LRP1B: variants seen among roughly 807,000 people sequenced by gnomAD.
LRP1B encodes LDL receptor related protein 1B, also known as low-density lipoprotein receptor-related protein 1B.
A neutral mutation model predicts 556.6 loss-of-function variants in LRP1B; 217 were observed. The ratio of observed to expected loss-of-function variants is 0.39; its 90% CI spans 0.35 to 0.44. The LOEUF is 0.44. Among genes scored for constraint, LRP1B ranks in the 20% least tolerant of loss-of-function variants. LRP1B has a pLI of 1.00. For synonymous variants in LRP1B, 2,047 were observed against 1,865.8 expected, an observed-to-expected ratio of 1.10 and a Z score of -2.50; for missense variants, 5,053 against 5,620.8, an observed-to-expected ratio of 0.90 and a Z score of 3.23.
intron 35 of LRP1B, among the ~76,000 whole-genome samples, chr2:140,730,855 C>G (rs1559082320): frequency 6.6e-6 from 1 of 152,118 alleles, no homozygotes; most frequent in Non-Finnish European, 1.5e-5. Context: ...CCACGCCCAG[C>G]CTCGATTATG....
chr2:141,796,050 G>A (rs1439922249), intron 2 of LRP1B, among the ~76,000 whole-genome samples: 2 of 151,038 alleles, frequency 1.3e-5, no homozygotes, highest in African/African-American at 4.9e-5. Context: ...ATTATTGATA[G>A]CCAATCCAAT....
chr2:141,230,432 T>G (rs1276383453), intron 5 of LRP1B, among the ~76,000 whole-genome samples: 1 of 152,190 alleles, frequency 6.6e-6, no homozygotes, highest in Non-Finnish European at 1.5e-5. Flanking sequence ...CTTCTCACCT[T>G]TACAATATCC....
chr2:141,627,202 T>C (rs920416093), intron 2 of LRP1B, among the ~76,000 whole-genome samples: 2 of 152,200 alleles, frequency 1.3e-5, no homozygotes, highest in Non-Finnish European at 2.9e-5. Context: ...CTGAAAAGGC[T>C]ACATACTGTT....
chr2:141,125,716 C>T (rs1701185564), intron 7 of LRP1B, among the ~76,000 whole-genome samples: 1 of 151,996 alleles, frequency 6.6e-6, no homozygotes, highest in South Asian at 2.1e-4. Flanking sequence ...AATATCTTCT[C>T]TCTGTGTACT....
chr2:141,200,447 G>C (rs111420587), intron 6 of LRP1B, among the ~76,000 whole-genome samples: 7 of 152,170 alleles, frequency 4.6e-5, no homozygotes, highest in African/African-American at 1.7e-4. Context: ...TTAATACCTA[G>C]GTGATGAAAT....
chr2:141,423,290 C>CCTTT (rs1321976263), intron 3 of LRP1B, among the ~76,000 whole-genome samples: 3 of 68,372 alleles, frequency 4.4e-5, no homozygotes, highest in Non-Finnish European at 5.9e-5. Flanking sequence ...ACAGCCAGAG[C>CCTTT]TTTTTTTTTT....
intron 7 of LRP1B, among the ~76,000 whole-genome samples, chr2:141,097,381 C>A (rs1700348777): frequency 6.6e-6 from 1 of 151,996 alleles, no homozygotes; most frequent in East Asian, 1.9e-4. Context: ...TTACCAAAAG[C>A]TTCTATTAAG....
At chr2:141,409,213 ACTCAT>A (rs1184460687) in intron 3 of LRP1B, among the ~76,000 whole-genome samples, 5 of 152,170 alleles carry the variant, frequency 3.3e-5, no homozygotes, top group Non-Finnish European at 7.4e-5. Context: ...AGTTATATAA[ACTCAT>A]CTCTAATAAA....
rs545415930 is a variant in LRP1B, at chr2:141,150,742, T to A, written c.1013+37679A>T. ...CTAATGGAAGTCTCAAGGCGCTTCT[T>A]CCTGCTCCTTAGCTCAATTAGTGTT... On this transcript the variant is annotated intron_variant, in intron 7 of 90. Transcript: ENST00000389484. Among the ~76,000 whole-genome samples, 3 of 152,252 alleles carry A rather than the reference T, an allele frequency of 2.0e-5. No homozygotes were observed. The East Asian group carries it at 5.8e-4, about 29-fold the overall frequency.
intron 1 of LRP1B, among the ~76,000 whole-genome samples, chr2:142,111,998 C>T (rs148314326): frequency 2.0e-5 from 3 of 152,100 alleles, no homozygotes; most frequent in African/African-American, 7.2e-5. Flanking sequence ...CAATGATACA[C>T]CATATTGCCA....
intron 18 of LRP1B, among the ~76,000 whole-genome samples, chr2:140,968,606 T>A (rs1291424152): frequency 6.6e-6 from 1 of 152,188 alleles, no homozygotes; most frequent in African/African-American, 2.4e-5. Context: ...TCTCTAGTTC[T>A]TTCAATTGTG....
At chr2:141,414,807 A>G (rs1242151463) in intron 3 of LRP1B, among the ~76,000 whole-genome samples, 1 of 152,194 alleles carries the variant, frequency 6.6e-6, no homozygotes, top group African/African-American at 2.4e-5. Flanking sequence ...GTAGTTTATA[A>G]CCAAAACTGG....
chr2:141,838,248 AG>A (rs79381360), intron 1 of LRP1B, among the ~76,000 whole-genome samples: 31,172 of 152,032 alleles, frequency 0.21, 3,610 homozygotes, highest in East Asian at 0.38. Flanking sequence ...TTAACAAGGA[AG>A]GTTTGAACAA....
At chr2:140,317,422 GA>G (rs1237988203) in intron 82 of LRP1B, among the ~76,000 whole-genome samples, 13 of 152,026 alleles carry the variant, frequency 8.6e-5, no homozygotes, top group African/African-American at 2.9e-4. Flanking sequence ...AAAGAAAAAT[GA>G]GGAAAAATTA....
chr2:141,121,028 T>C (rs1701034246), intron 7 of LRP1B, among the ~76,000 whole-genome samples: 4 of 152,026 alleles, frequency 2.6e-5, no homozygotes, highest in Admixed American at 2.6e-4. Context: ...AATTTATATA[T>C]TTTAGAATGC....
chr2:140,492,766 G>C, intron 56 of LRP1B, 73 bp from the exon 57 acceptor site: 2 of 1,071,930 alleles, frequency 1.9e-6, no homozygotes, highest in Non-Finnish European at 2.9e-6. Context: ...TTTCAGTTTA[G>C]TTTAGCAGCA....
intron 32 of LRP1B, among the ~76,000 whole-genome samples, chr2:140,785,099 T>C (rs1689849155): frequency 6.6e-6 from 1 of 152,126 alleles, no homozygotes. Context: ...CATTATAGTA[T>C]AATAGCATTG....
At chr2:141,338,544 G>A (rs941207019) in intron 3 of LRP1B, among the ~76,000 whole-genome samples, 1 of 152,120 alleles carries the variant, frequency 6.6e-6, no homozygotes, top group African/African-American at 2.4e-5. Flanking sequence ...TCCTACATAT[G>A]TATCAGAGTT....
At position 142,067,923 on chromosome 2, in the gene LRP1B, A is replaced by T. The variant is rs1412857205; in HGVS notation, c.82+62725T>A. Among the ~76,000 whole-genome samples the T allele has an allele frequency of 3.3e-5, 5 of 151,728 alleles. No homozygotes were observed. In the South Asian group the frequency reaches 6.2e-4, roughly 19 times the overall value. ...TTAAACTATTTGGAAATAAATGTAC[A>T]CTTTGATAGGTATTAGCATAATCTT... On this transcript the variant is annotated intron_variant, in intron 1 of 90. Coordinates refer to ENST00000389484, the MANE Select transcript of LRP1B (RefSeq NM_018557.3).
Sources: gnomAD v4.1 joint callset for allele counts (sites outside exome capture counted in the v4.1 genomes callset) on GRCh38, gnomAD v4.1.1 for gene constraint, MANE v1.5 for transcripts, NCBI Gene and HGNC (gene_info 2026-07-23, HGNC 2026-07-21) for gene names.